LRP1B: variants seen among roughly 807,000 people sequenced by gnomAD.
LRP1B encodes low-density lipoprotein receptor-related protein 1B.
A neutral mutation model predicts 556.6 loss-of-function variants in LRP1B; 217 were observed. The ratio of observed to expected loss-of-function variants is 0.39; its 90% confidence interval spans 0.35 to 0.44. LRP1B has a LOEUF of 0.44. LRP1B is among the 20% of genes least tolerant of loss of function. The pLI is 1.00. For missense variants in LRP1B, 5,053 were observed against 5,620.8 expected, an observed-to-expected ratio of 0.90 and a Z score of 3.23; for synonymous variants, 2,047 against 1,865.8, an observed-to-expected ratio of 1.10 and a Z score of -2.50.
At chr2:140,365,907 G>T (rs1477029919) in intron 71 of LRP1B, among the ~76,000 whole-genome samples, 1 of 151,696 alleles carries the variant, frequency 6.6e-6, no homozygotes, top group Non-Finnish European at 1.5e-5. Flanking sequence ...TGCCTAGAAA[G>T]AGCCATTGTT....
intron 3 of LRP1B, among the ~76,000 whole-genome samples, chr2:141,314,827 T>C (rs908019796): frequency 4.4e-5 from 5 of 113,154 alleles, no homozygotes; most frequent in Admixed American, 2.7e-4. Flanking sequence ...TATATATATA[T>C]GTGTATATAT....
intron 2 of LRP1B, among the ~76,000 whole-genome samples, chr2:141,787,408 T>C (rs1258254335): frequency 3.9e-5 from 6 of 151,914 alleles, no homozygotes; most frequent in African/African-American, 1.4e-4. Context: ...AATTCATCAA[T>C]ACAAAGAATT....
chr2:140,966,375 CT>C (rs1457802522), intron 18 of LRP1B, among the ~76,000 whole-genome samples: 1 of 152,148 alleles, frequency 6.6e-6, no homozygotes, highest in African/African-American at 2.4e-5. Flanking sequence ...TGTTCATATC[CT>C]TCACCCACTT....
In LRP1B at chr2:141,152,456, C is replaced by T. The variant is rs142712214; in HGVS notation, c.1013+35965G>A. On this transcript the variant is annotated intron_variant, in intron 7 of 90. Coordinates refer to ENST00000389484, the MANE Select transcript of LRP1B (RefSeq NM_018557.3). ...TATTCCAAATGAACAACTCCACCTT[C>T]TTCCCTAACAAATGACAAATATTCT... Among the ~76,000 whole-genome samples the T allele has an allele frequency of 7.2e-3, 1,096 of 152,058 alleles. 8 individuals are homozygous for T. The highest frequency in any genetic ancestry group is 0.035 in the South Asian group (171 of 4,820).
intron 52 of LRP1B, 128 bp downstream of exon 52, chr2:140,509,800 A>T: frequency 7.7e-7 from 1 of 1,301,566 alleles, no homozygotes; most frequent in Non-Finnish European, 1.1e-6. Context: ...GATTAAGTCC[A>T]ATACTACCTA....
At chr2:140,942,720 TC>T (rs1446731604) in intron 20 of LRP1B, among the ~76,000 whole-genome samples, 2 of 149,316 alleles carry the variant, frequency 1.3e-5, no homozygotes, top group Admixed American at 6.7e-5. Context: ...AAATTTTTTT[TC>T]CAGAGTAACA....
intron 66 of LRP1B, among the ~76,000 whole-genome samples, chr2:140,406,749 T>C (rs1020036840): frequency 2.0e-5 from 3 of 152,110 alleles, no homozygotes; most frequent in African/African-American, 7.2e-5. Context: ...ATGAATGTTG[T>C]GAAAATGAAC....
At chr2:142,001,098 T>C (rs982412459) in intron 1 of LRP1B, among the ~76,000 whole-genome samples, 1 of 152,168 alleles carries the variant, frequency 6.6e-6, no homozygotes, top group Non-Finnish European at 1.5e-5. Context: ...ACCTGTAATA[T>C]GTGCTTTTCG....
intron 1 of LRP1B, among the ~76,000 whole-genome samples, chr2:142,029,674 T>C (rs1703619960): frequency 6.6e-6 from 1 of 151,784 alleles, no homozygotes; most frequent in South Asian, 2.1e-4. Flanking sequence ...TTTTTAAAAC[T>C]CTCATCCCTC....
Position 141,058,876 on chromosome 2 carries a change from C to A in LRP1B, c.1408+7G>T, listed in dbSNP as rs756018415. The A allele has an allele frequency of 3.8e-6, 6 of 1,576,986 alleles. No homozygotes were observed. The highest frequency in any genetic ancestry group is 1.2e-5 in the South Asian group (1 of 83,730). On this transcript the variant is annotated splice_region_variant and intron_variant, in intron 9 of 90. Transcript: ENST00000389484. Reference sequence around the variant, plus strand: ...TAGGAAGGTAATAAAGAAGCTTTCCCACTTACCTGTTGGTTGAGTTCTTTT... The same window carrying A: ...TAGGAAGGTAATAAAGAAGCTTTCCAACTTACCTGTTGGTTGAGTTCTTTT...
At chr2:141,170,070 A>G (rs1558908107) in intron 7 of LRP1B, among the ~76,000 whole-genome samples, 2 of 152,066 alleles carry the variant, frequency 1.3e-5, no homozygotes. Context: ...ATGAGGACTA[A>G]GTTAACCCAA....
intron 86 of LRP1B, among the ~76,000 whole-genome samples, chr2:140,257,679 C>T (rs1332349771): frequency 6.6e-6 from 1 of 152,154 alleles, no homozygotes; most frequent in African/African-American, 2.4e-5. Context: ...TCGGACTTTA[C>T]TGCTCCAAAA....
chr2:140,549,546 A>G (rs1486778877), intron 43 of LRP1B, among the ~76,000 whole-genome samples: 1 of 152,210 alleles, frequency 6.6e-6, no homozygotes, highest in Non-Finnish European at 1.5e-5. Context: ...ACGAGAAAAG[A>G]AAAGCAGTAA....
rs1353351800 is a variant in LRP1B, at chr2:142,130,786, C to T, written c.-57G>A. On this transcript the variant is annotated 5_prime_UTR_variant, in exon 1 of 91. Transcript: ENST00000389484. The stretch of plus-strand genomic sequence containing the variant: ...AGACTGCTCGGCGGCACCTTCGGCC[C>T]GGCGGCGGCGGCGGCGGCAGGGGCC... 1.7e-6 allele frequency: 2 copies of T among 1,163,500 alleles called. No homozygotes were observed. The highest frequency in any genetic ancestry group is 5.5e-5 in the East Asian group (2 of 36,594). The allele number at this position is 1,163,500 out of a possible 1,614,324, so 72.1% of individuals were successfully genotyped here.
intron 1 of LRP1B, among the ~76,000 whole-genome samples, chr2:141,829,575 T>C (rs2105743312): frequency 6.6e-6 from 1 of 152,158 alleles, no homozygotes; most frequent in South Asian, 2.1e-4. Flanking sequence ...ATAATTGTCT[T>C]CAGTGTTTTA....
chr2:140,247,209 G>A (rs754496193), intron 86 of LRP1B, 47 bp from the exon 87 acceptor site: 1 of 1,356,908 alleles, frequency 7.4e-7, no homozygotes, highest in Non-Finnish European at 1.1e-6. Flanking sequence ...GAATAACAAA[G>A]CCCAGAAGTC....
intron 43 of LRP1B, among the ~76,000 whole-genome samples, chr2:140,545,152 G>A (rs1003235595): frequency 2.0e-5 from 2 of 100,088 alleles, no homozygotes; most frequent in Non-Finnish European, 4.3e-5. Flanking sequence ...TTTTTTTTTT[G>A]TAAATTTAAG....
At chr2:141,860,796 A>G (rs913805305) in intron 1 of LRP1B, among the ~76,000 whole-genome samples, 1 of 152,184 alleles carries the variant, frequency 6.6e-6, no homozygotes, top group Non-Finnish European at 1.5e-5. Context: ...ACGATTTTCT[A>G]GAGCATTTTG....
chr2:142,037,934 G>C (rs1239931194), intron 1 of LRP1B, among the ~76,000 whole-genome samples: 1 of 151,482 alleles, frequency 6.6e-6, no homozygotes, highest in Non-Finnish European at 1.5e-5. Flanking sequence ...TGAGCTCCTG[G>C]ATTGTTCCAA....
Sources: allele counts gnomAD v4.1 joint callset (sites outside exome capture counted in the v4.1 genomes callset), GRCh38; gene constraint gnomAD v4.1.1; transcripts MANE v1.5; gene names NCBI Gene and HGNC (gene_info 2026-07-23, HGNC 2026-07-21).